Variants in AMPH observed in about 807,000 individuals in gnomAD.
The protein encoded by AMPH is amphiphysin, also known as amphiphysin (Stiff-Mann syndrome with breast cancer 128kD autoantigen).
A neutral mutation model predicts 99.1 loss-of-function variants in AMPH; 49 were observed. The ratio of observed to expected loss-of-function variants is 0.49; its 90% CI spans 0.39 to 0.63. The LOEUF is 0.63. Among genes scored for constraint, AMPH ranks in the 20% least tolerant of loss-of-function variants. AMPH has a pLI of 0.00. For missense variants in AMPH, 759 were observed against 863.4 expected (o/e 0.88, Z 1.52); for synonymous variants, 314 against 317.3 (o/e 0.99, Z 0.11).
intron 1 of AMPH, among the ~76,000 whole-genome samples, chr7:38,602,934 C>A (rs1313635257): frequency 6.6e-6 from 1 of 152,086 alleles, no homozygotes; most frequent in Non-Finnish European, 1.5e-5. Flanking sequence ...GTCAATATCC[C>A]GGCCCAATGG....
At chr7:38,523,973 T>C (rs949112018) in intron 2 of AMPH, among the ~76,000 whole-genome samples, 1 of 152,196 alleles carries the variant, frequency 6.6e-6, no homozygotes, top group Non-Finnish European at 1.5e-5. Flanking sequence ...ATACTAGAGA[T>C]ACCTGGCAGA....
intron 1 of AMPH, among the ~76,000 whole-genome samples, chr7:38,573,064 T>C (rs958581997): frequency 6.6e-6 from 1 of 152,218 alleles, no homozygotes; most frequent in African/African-American, 2.4e-5. Flanking sequence ...AGATTCCGAT[T>C]CATTACATAG....
At chr7:38,544,309 C>T (rs991488970) in intron 1 of AMPH, among the ~76,000 whole-genome samples, 2 of 152,166 alleles carry the variant, frequency 1.3e-5, no homozygotes, top group Non-Finnish European at 2.9e-5. Context: ...CTTAGAGGAA[C>T]CTAATTAGCC....
At chr7:38,605,564 G>GT in intron 1 of AMPH, among the ~76,000 whole-genome samples, 1 of 151,048 alleles carries the variant, frequency 6.6e-6, no homozygotes, top group African/African-American at 2.5e-5. Context: ...TTTTCTTTTC[G>GT]TTTTTTCTTT....
intron 5 of AMPH, among the ~76,000 whole-genome samples, chr7:38,484,172 G>A (rs544840643): frequency 6.6e-6 from 1 of 152,154 alleles, no homozygotes; most frequent in South Asian, 2.1e-4. Context: ...CCCAGAAGGA[G>A]AAGACAAAAA....
intron 1 of AMPH, among the ~76,000 whole-genome samples, chr7:38,621,218 C>G (rs1794046615): frequency 6.6e-6 from 1 of 152,178 alleles, no homozygotes; most frequent in Admixed American, 6.5e-5. Flanking sequence ...TCCTCTGACT[C>G]TAGATTAGTT....
At chr7:38,416,538 T>C (rs2128986663) in intron 17 of AMPH, among the ~76,000 whole-genome samples, 1 of 152,330 alleles carries the variant, frequency 6.6e-6, no homozygotes, top group Non-Finnish European at 1.5e-5. Context: ...CCTCAAAACC[T>C]AAATCAATAT....
At chr7:38,404,392 G>A (rs1784925622) in intron 17 of AMPH, among the ~76,000 whole-genome samples, 1 of 152,060 alleles carries the variant, frequency 6.6e-6, no homozygotes, top group South Asian at 2.1e-4. Context: ...TAGTGCTAAT[G>A]TATGAGATAA....
chr7:38,543,069 A>C (rs1208263267), intron 1 of AMPH, among the ~76,000 whole-genome samples: 1 of 149,376 alleles, frequency 6.7e-6, no homozygotes, highest in African/African-American at 2.5e-5. Flanking sequence ...ACTCCAGCCC[A>C]GGTGACAGAG....
chr7:38,480,519 T>C (rs1788247967), intron 5 of AMPH, among the ~76,000 whole-genome samples: 1 of 152,156 alleles, frequency 6.6e-6, no homozygotes, highest in Non-Finnish European at 1.5e-5. Context: ...TATGCTATTC[T>C]TCTACACACC....
intron 11 of AMPH, among the ~76,000 whole-genome samples, chr7:38,449,566 A>G (rs965714316): frequency 6.6e-6 from 1 of 152,210 alleles, no homozygotes; most frequent in Non-Finnish European, 1.5e-5. Flanking sequence ...CAATGATTTT[A>G]AAACATTTTC....
Position 38,384,785 on chromosome 7 carries a change from G to GT in AMPH, c.*32dup. The GT allele has an allele frequency of 6.4e-7, 1 of 1,568,004 alleles. No homozygotes were observed. The highest frequency in any genetic ancestry group is 8.8e-7 in the Non-Finnish European group (1 of 1,138,868). ...GTTTTCATGAAGGTTTAAAAACCCCGTAACTGAGCTCCTTCTTGCAGTACT... is the reference window on the plus strand; with the variant it reads ...GTTTTCATGAAGGTTTAAAAACCCCGTTAACTGAGCTCCTTCTTGCAGTACT... On this transcript the variant is annotated 3_prime_UTR_variant, in exon 21 of 21. Transcript: ENST00000356264.
rs527721795 is a variant in AMPH at position 38,488,320 on chromosome 7, T to C, written c.396+2730A>G. ...CTGGATAAAGAAAATGTGGCACATATACACCATGGAATACTATGAAGCCAT... is the reference window on the plus strand; with the variant it reads ...CTGGATAAAGAAAATGTGGCACATACACACCATGGAATACTATGAAGCCAT... On this transcript the variant is annotated intron_variant, in intron 5 of 20. Coordinates refer to ENST00000356264, the MANE Select transcript of AMPH (RefSeq NM_001635.4). Among the ~76,000 whole-genome samples, 9 of 152,214 alleles carry C rather than the reference T, an allele frequency of 5.9e-5. No homozygotes were observed. The East Asian group carries it at 1.5e-3, about 26-fold the overall frequency.
chr7:38,620,259 C>T (rs987837091), intron 1 of AMPH, among the ~76,000 whole-genome samples: 17 of 151,622 alleles, frequency 1.1e-4, no homozygotes, highest in Admixed American at 8.5e-4. Context: ...CGCTCGTTCA[C>T]TCTCTCTCTC....
At chr7:38,624,619 A>C (rs1197311959) in intron 1 of AMPH, among the ~76,000 whole-genome samples, 1 of 151,970 alleles carries the variant, frequency 6.6e-6, no homozygotes, top group Non-Finnish European at 1.5e-5. Context: ...AAAGAGAGTT[A>C]AGACCAAATA....
intron 1 of AMPH, among the ~76,000 whole-genome samples, chr7:38,552,753 G>C (rs1791223320): frequency 6.6e-6 from 1 of 152,164 alleles, no homozygotes; most frequent in Admixed American, 6.5e-5. Context: ...CTTTGGAGAA[G>C]GTTCATGACC....
In AMPH at chr7:38,488,993, A is replaced by T. The variant is rs1377092390; in HGVS notation, c.396+2057T>A. 5.9e-5 allele frequency among the ~76,000 whole-genome samples: 9 copies of T among 152,098 alleles called. No individual in the cohort carries two copies. In the East Asian group the frequency reaches 1.7e-3, roughly 29 times the overall value. ...AATTTTTAACAGAAAGTTTTTTTTA[A>T]TTCTAAAATTCACATGGAAGCACAA... On this transcript the variant is annotated intron_variant, in intron 5 of 20. Coordinates refer to ENST00000356264, the MANE Select transcript of AMPH (RefSeq NM_001635.4).
intron 1 of AMPH, among the ~76,000 whole-genome samples, chr7:38,608,005 C>G (rs1197863219): frequency 6.6e-6 from 1 of 151,738 alleles, no homozygotes; most frequent in Non-Finnish European, 1.5e-5. Flanking sequence ...AAATTTTTTT[C>G]CATTTCAATT....
chr7:38,390,049 G>A, intron 19 of AMPH, 144 bp from the exon 20 acceptor site: 1 of 646,308 alleles, frequency 1.5e-6, no homozygotes, highest in Non-Finnish European at 2.7e-6. Flanking sequence ...AGCCAGAAGG[G>A]AAGTCCTATT....
Sources: allele counts gnomAD v4.1 joint callset (sites outside exome capture counted in the v4.1 genomes callset), GRCh38; gene constraint gnomAD v4.1.1; transcripts MANE v1.5; gene names NCBI Gene and HGNC (gene_info 2026-07-23, HGNC 2026-07-21).